Variants in PLXNA4 observed in about 807,000 individuals in gnomAD.
PLXNA4 encodes plexin-A4.
In PLXNA4, 44 loss-of-function variants were observed where a neutral mutation model predicts 191.8. The ratio of observed to expected loss-of-function variants is 0.23; its 90% CI spans 0.18 to 0.29. The LOEUF (loss-of-function observed/expected upper bound fraction) is 0.29. Ranked by LOEUF, PLXNA4 falls within the 10% of genes least tolerant of loss-of-function variation. The probability of loss-of-function intolerance (pLI) is 1.00; values close to 1 mark genes in which losing one functional copy is unlikely to be tolerated. For synonymous variants in PLXNA4, 1,082 were observed against 1,009.5 expected, an observed-to-expected ratio of 1.07 and a Z score of -1.36; for missense variants, 1,800 against 2,488.8, an observed-to-expected ratio of 0.72 and a Z score of 5.89.
intron 3 of PLXNA4, among the ~76,000 whole-genome samples, chr7:132,316,441 A>C (rs995795959): frequency 6.6e-6 from 1 of 152,242 alleles, no homozygotes; most frequent in Non-Finnish European, 1.5e-5. Context: ...TTTACGGATC[A>C]AGTCACTATG....
chr7:132,533,478 C>T (rs1466479529), intron 1 of PLXNA4, among the ~76,000 whole-genome samples: 2 of 152,210 alleles, frequency 1.3e-5, no homozygotes, highest in African/African-American at 2.4e-5. Flanking sequence ...AATTTTCCAA[C>T]CCAAGCACCT....
chr7:132,641,463 C>G (rs1316672534), intron 2 of PLXNA4, among the ~76,000 whole-genome samples: 1 of 152,152 alleles, frequency 6.6e-6, no homozygotes, highest in Non-Finnish European at 1.5e-5. Context: ...AGGGCTCTAT[C>G]CATATGACCT....
chr7:132,528,142 C>T (rs1005716950), intron 1 of PLXNA4, among the ~76,000 whole-genome samples: 1 of 152,154 alleles, frequency 6.6e-6, no homozygotes, highest in Non-Finnish European at 1.5e-5. Flanking sequence ...TCGGGATGGT[C>T]GGCTCGGAGA....
intron 3 of PLXNA4, among the ~76,000 whole-genome samples, chr7:132,348,886 T>C (rs1803361108): frequency 1.3e-5 from 2 of 152,018 alleles, no homozygotes; most frequent in South Asian, 4.1e-4. Flanking sequence ...GGGAGAAAGG[T>C]GGAAAAAATT....
At chr7:132,233,019 C>T (rs1798576170) in intron 5 of PLXNA4, among the ~76,000 whole-genome samples, 3 of 152,172 alleles carry the variant, frequency 2.0e-5, no homozygotes, top group Admixed American at 1.3e-4. Context: ...AGATGATCCC[C>T]AATCCTTAAC....
rs529739482 is a variant in PLXNA4, at chr7:132,505,649, C to T, written c.1188+1857G>A. Among the ~76,000 whole-genome samples, 6 of 152,258 alleles carry T rather than the reference C, an allele frequency of 3.9e-5. No individual in the cohort carries two copies. The East Asian group carries it at 1.2e-3, about 29-fold the overall frequency. On this transcript the variant is annotated intron_variant, in intron 2 of 31. Coordinates refer to ENST00000321063, the MANE Select transcript of PLXNA4 (RefSeq NM_020911.2). ...GTTACTCACTCCTAAGATGTGTGAC[C>T]TTGGGCAATTCATTCAGCTTGCTGA...
At chr7:132,302,683 C>T (rs138157969) in intron 3 of PLXNA4, among the ~76,000 whole-genome samples, 29 of 151,200 alleles carry the variant, frequency 1.9e-4, no homozygotes, top group African/African-American at 6.8e-4. Flanking sequence ...CAGTTCACCG[C>T]TCATAAGGTA....
In PLXNA4 at chr7:132,168,545, C is replaced by T. The variant is rs1796189339; in HGVS notation, c.4045G>A (p.Glu1349Lys). The T allele has an allele frequency of 6.3e-7, 1 of 1,598,236 alleles. No homozygotes were observed. The highest frequency in any genetic ancestry group is 1.3e-5 in the African/African-American group (1 of 74,876). Residue 1349 changes from glutamate (E) to lysine (K), a missense_variant, in exon 22 of 32, where the codon GAG becomes AAG. Coordinates refer to ENST00000321063, the MANE Select transcript of PLXNA4 (RefSeq NM_020911.2). The part of the protein sequence containing the change: ...EVPGYRQERV[E>K]KGLKLFAQLI... ...TGGGCGAAGAGCTTCAGGCCTTTCT[C>T]CACACGCTCCTGCCGGTAGCCCGGG...
At chr7:132,434,579 A>T (rs1036916464) in intron 3 of PLXNA4, among the ~76,000 whole-genome samples, 2 of 152,204 alleles carry the variant, frequency 1.3e-5, no homozygotes, top group Admixed American at 1.3e-4. Flanking sequence ...CTTTCTTTGT[A>T]TAATACTTGC....
At chr7:132,593,525 C>T (rs1802643895) in intron 2 of PLXNA4, among the ~76,000 whole-genome samples, 1 of 152,162 alleles carries the variant, frequency 6.6e-6, no homozygotes, top group Admixed American at 6.5e-5. Flanking sequence ...AGTGAGAAGG[C>T]AGGGAGTCCA....
intron 24 of PLXNA4, among the ~76,000 whole-genome samples, chr7:132,163,811 C>T (rs542393414): frequency 1.6e-4 from 24 of 152,300 alleles, no homozygotes; most frequent in East Asian, 1.2e-3. Context: ...TTCTGTAAAG[C>T]GTTGACTCTA....
chr7:132,380,956 T>A (rs143617726), intron 3 of PLXNA4, among the ~76,000 whole-genome samples: 4 of 152,326 alleles, frequency 2.6e-5, no homozygotes, highest in African/African-American at 9.6e-5. Flanking sequence ...GAGAATAAGA[T>A]CAGGTTACTA....
At chr7:132,388,643 G>A (rs960472269) in intron 3 of PLXNA4, among the ~76,000 whole-genome samples, 2 of 152,192 alleles carry the variant, frequency 1.3e-5, no homozygotes, top group African/African-American at 4.8e-5. Flanking sequence ...GGATAAGTAC[G>A]TATGAAGAGT....
intron 3 of PLXNA4, chr7:132,384,741 AGCATACACAC>A (rs1314134280): frequency 2.0e-6 from 2 of 1,014,532 alleles, no homozygotes; most frequent in East Asian, 2.2e-4. Flanking sequence ...AACACAGATA[AGCATACACAC>A]ACACACACAC....
intron 1 of PLXNA4, among the ~76,000 whole-genome samples, chr7:132,541,047 T>G (rs1006907202): frequency 3.3e-5 from 5 of 152,160 alleles, no homozygotes; most frequent in African/African-American, 1.2e-4. Flanking sequence ...AATAAAGATT[T>G]ATTTCAAAGG....
At chr7:132,595,610 C>T (rs1802695301) in intron 2 of PLXNA4, among the ~76,000 whole-genome samples, 1 of 152,186 alleles carries the variant, frequency 6.6e-6, no homozygotes, top group South Asian at 2.1e-4. Flanking sequence ...CACTAAGTCA[C>T]AACAGAGGAA....
intron 1 of PLXNA4, among the ~76,000 whole-genome samples, chr7:132,565,947 A>T (rs1801703910): frequency 1.3e-5 from 2 of 152,202 alleles, no homozygotes; most frequent in Admixed American, 6.5e-5. Flanking sequence ...TCATAGCAAG[A>T]TATTTTTAAT....
At chr7:132,163,775 C>T (rs761319546) in intron 24 of PLXNA4, among the ~76,000 whole-genome samples, 6 of 152,172 alleles carry the variant, frequency 3.9e-5, no homozygotes, top group Admixed American at 1.3e-4. Flanking sequence ...CCTCTCTGTC[C>T]CCCACTCTCT....
chr7:132,459,900 T>C (rs1056221968), intron 3 of PLXNA4, among the ~76,000 whole-genome samples: 3 of 152,324 alleles, frequency 2.0e-5, no homozygotes, highest in South Asian at 2.1e-4. Flanking sequence ...TTTTTTAAAT[T>C]CATTGTGTAC....
Sources: gnomAD v4.1 joint callset for allele counts (sites outside exome capture counted in the v4.1 genomes callset) on GRCh38, gnomAD v4.1.1 for gene constraint, MANE v1.5 for transcripts, NCBI Gene and HGNC (gene_info 2026-07-23, HGNC 2026-07-21) for gene names.